N4BP1: variants seen among roughly 807,000 people sequenced by gnomAD.
N4BP1 encodes the protein NEDD4-binding protein 1.
A neutral mutation model predicts 70.9 loss-of-function variants in N4BP1; 21 were observed. The ratio of observed to expected loss-of-function variants is 0.30; its 90% CI spans 0.21 to 0.43. The LOEUF (loss-of-function observed/expected upper bound fraction) is 0.43. Among genes scored for constraint, N4BP1 ranks in the 20% least tolerant of loss-of-function variants. The probability of loss-of-function intolerance (pLI) is 1.00; values close to 1 mark genes in which losing one functional copy is unlikely to be tolerated. For missense variants in N4BP1, 936 were observed against 1,069.4 expected, an observed-to-expected ratio of 0.88 and a Z score of 1.74; for synonymous variants, 387 against 394.6, an observed-to-expected ratio of 0.98 and a Z score of 0.23.
At position 48,563,757 on chromosome 16, in the gene N4BP1, G is replaced by C. The variant is rs145245544; in HGVS notation, c.199-1313C>G. ...ATTAAATGCAGATCTAATAGAACAA[G>C]TGAATGCTGGCGTGAGCCACTGTGC... is the stretch of plus-strand genomic sequence containing the variant. On this transcript the variant is annotated intron_variant, in intron 1 of 6. Transcript: ENST00000262384. 1.5e-4 allele frequency among the ~76,000 whole-genome samples: 23 copies of C among 152,340 alleles called. No individual in the cohort carries two copies. In the East Asian group the frequency reaches 4.2e-3, roughly 28 times the overall value.
At chr16:48,597,377 G>T (rs1597113000) in intron 1 of N4BP1, among the ~76,000 whole-genome samples, 1 of 152,172 alleles carries the variant, frequency 6.6e-6, no homozygotes, top group African/African-American at 2.4e-5. Context: ...CAGAAAGATA[G>T]TTATAATTAA....
At chr16:48,598,346 TA>T (rs1350069187) in intron 1 of N4BP1, among the ~76,000 whole-genome samples, 1 of 152,064 alleles carries the variant, frequency 6.6e-6, no homozygotes, top group Non-Finnish European at 1.5e-5. Flanking sequence ...AAACATTAAT[TA>T]ACAAAATAAT....
chr16:48,605,801 C>T (rs1964571325), intron 1 of N4BP1, among the ~76,000 whole-genome samples: 1 of 152,174 alleles, frequency 6.6e-6, no homozygotes, highest in Admixed American at 6.5e-5. Context: ...CCACGACTCT[C>T]CACTGACTAC....
intron 1 of N4BP1, among the ~76,000 whole-genome samples, chr16:48,567,986 C>T (rs757926605): frequency 2.5e-4 from 38 of 152,290 alleles, no homozygotes; most frequent in Non-Finnish European, 4.9e-4. Context: ...AGGTACCAGA[C>T]AACCAGAGAC....
intron 1 of N4BP1, among the ~76,000 whole-genome samples, chr16:48,579,309 G>A (rs975442516): frequency 2.6e-5 from 4 of 152,088 alleles, no homozygotes; most frequent in Non-Finnish European, 4.4e-5. Flanking sequence ...CAAAAAGGGG[G>A]GAAGGGAGTT....
intron 1 of N4BP1, among the ~76,000 whole-genome samples, chr16:48,569,688 G>A (rs147880044): frequency 5.3e-5 from 8 of 152,268 alleles, no homozygotes; most frequent in African/African-American, 1.9e-4. Context: ...GAGCCACCAT[G>A]CCTGGCCTGC....
At chr16:48,570,582 G>T (rs1409078335) in intron 1 of N4BP1, among the ~76,000 whole-genome samples, 1 of 152,278 alleles carries the variant, frequency 6.6e-6, no homozygotes, top group East Asian at 1.9e-4. Flanking sequence ...CCTGAGCTCA[G>T]GTGATCCACC....
chr16:48,602,997 C>A (rs1039453990), intron 1 of N4BP1, among the ~76,000 whole-genome samples: 1 of 151,794 alleles, frequency 6.6e-6, no homozygotes, highest in Non-Finnish European at 1.5e-5. Context: ...CACACACGCA[C>A]GCACACGCAT....
chr16:48,562,469 G>A, intron 1 of N4BP1, 25 bp from the exon 2 acceptor site: 1 of 1,545,702 alleles, frequency 6.5e-7, no homozygotes, highest in Non-Finnish European at 8.7e-7. Context: ...TAAGAAATTA[G>A]GTCAATTTAC....
At chr16:48,597,917 C>T (rs1319853238) in intron 1 of N4BP1, among the ~76,000 whole-genome samples, 1 of 152,158 alleles carries the variant, frequency 6.6e-6, no homozygotes, top group Non-Finnish European at 1.5e-5. Flanking sequence ...TTGGTGGATG[C>T]AGAATGCATG....
At chr16:48,568,402 TTCAATGTATGAAAC>T (rs1393363120) in intron 1 of N4BP1, among the ~76,000 whole-genome samples, 4 of 152,212 alleles carry the variant, frequency 2.6e-5, no homozygotes, top group Non-Finnish European at 5.9e-5. Flanking sequence ...TAATTTTTCT[TTCAATGTATGAAAC>T]TCATTTTAAA....
chr16:48,546,915 C>G (rs567380406), intron 5 of N4BP1, among the ~76,000 whole-genome samples: 1 of 152,324 alleles, frequency 6.6e-6, no homozygotes, highest in African/African-American at 2.4e-5. Flanking sequence ...TCAATAAATA[C>G]TGACAATGAG....
chr16:48,599,442 G>A (rs966564174), intron 1 of N4BP1, among the ~76,000 whole-genome samples: 6 of 152,196 alleles, frequency 3.9e-5, no homozygotes, highest in Admixed American at 6.5e-5. Context: ...AGGAGAAACT[G>A]TGTCAGTTAT....
intron 1 of N4BP1, among the ~76,000 whole-genome samples, chr16:48,588,414 C>T (rs1964280481): frequency 6.6e-6 from 1 of 151,852 alleles, no homozygotes; most frequent in African/African-American, 2.4e-5. Context: ...CCTGCCTCAG[C>T]CTCCCAAGTA....
At chr16:48,556,886 T>C (rs747793054) in intron 2 of N4BP1, among the ~76,000 whole-genome samples, 3 of 152,228 alleles carry the variant, frequency 2.0e-5, no homozygotes, top group Non-Finnish European at 4.4e-5. Flanking sequence ...AAACCCCATC[T>C]ACATGGAAAA....
rs1003164425 is a variant in N4BP1 at position 48,570,494 on chromosome 16, G to A, written c.199-8050C>T. Among the ~76,000 whole-genome samples the A allele has an allele frequency of 2.4e-4, 37 of 152,092 alleles. 4 individuals are homozygous for A. The highest frequency in any genetic ancestry group is 2.0e-3 in the Admixed American group (31 of 15,274). ...CCTGGGTAGCTGGGACTACAGGCAC[G>A]TGCCACCATGCCCAGCTAATGTTTT... On this transcript the variant is annotated intron_variant, in intron 1 of 6. Transcript: ENST00000262384.
intron 2 of N4BP1, among the ~76,000 whole-genome samples, chr16:48,558,751 G>A (rs1963796542): frequency 6.6e-6 from 1 of 152,152 alleles, no homozygotes; most frequent in Non-Finnish European, 1.5e-5. Context: ...CTTGGGGTGT[G>A]GGTGACTGAA....
chr16:48,609,685 G>T, intron 1 of N4BP1, 90 bp downstream of exon 1: 2 of 1,128,702 alleles, frequency 1.8e-6, no homozygotes, highest in Non-Finnish European at 1.1e-6. Flanking sequence ...CAGGCGCATC[G>T]CGGCGGACGG....
At chr16:48,576,452 T>G (rs1964095104) in intron 1 of N4BP1, among the ~76,000 whole-genome samples, 1 of 152,204 alleles carries the variant, frequency 6.6e-6, no homozygotes, top group African/African-American at 2.4e-5. Context: ...CAGGACCAGC[T>G]GCCATACTGT....
Sources: gnomAD v4.1 joint callset for allele counts (sites outside exome capture counted in the v4.1 genomes callset) on GRCh38, gnomAD v4.1.1 for gene constraint, MANE v1.5 for transcripts, NCBI Gene and HGNC (gene_info 2026-07-23, HGNC 2026-07-21) for gene names.